MVP: variants seen among roughly 807,000 people sequenced by gnomAD.
MVP encodes the protein major vault protein.
MVP carries 62 observed loss-of-function variants against 83.5 expected under a neutral mutation model. The observed-to-expected ratio is 0.74, with a 90% CI of 0.61 to 0.92. The LOEUF (loss-of-function observed/expected upper bound fraction) is 0.92, where lower values mean the gene tolerates loss of function less well. Ranked by LOEUF, MVP falls within the 40% of genes least tolerant of loss-of-function variation. The pLI, the probability that MVP is intolerant of heterozygous loss-of-function variation, is 0.00. For synonymous variants in MVP, 505 were observed against 504.1 expected (o/e 1.00, Z -0.02); for missense variants, 1,000 against 1,203.4 (o/e 0.83, Z 2.50).
Position 29,828,740 on chromosome 16 carries a change from G to T in MVP, c.-35-1775G>T, listed in dbSNP as rs555482554. On this transcript the variant is annotated intron_variant, in intron 1 of 14. Transcript: ENST00000357402. ...CAATGGCATAGCTGTAAGGCAGCAG[G>T]GGGTGGTGGGGACTGTGGTAGGTGG... Among the ~76,000 whole-genome samples the T allele has an allele frequency of 1.6e-3, 238 of 152,294 alleles. 2 individuals are homozygous for T. Among genetic ancestry groups the T allele is most frequent in the African/African-American group, 5.5e-3 (228 of 41,564 alleles).
At chr16:29,844,989 A>G (rs1167456368) in intron 11 of MVP, 110 bp downstream of exon 11, 11 of 1,397,314 alleles carry the variant, frequency 7.9e-6, no homozygotes, top group Non-Finnish European at 9.6e-6. Flanking sequence ...CCTACCCTCA[A>G]AGATCTATTC....
intron 1 of MVP, among the ~76,000 whole-genome samples, chr16:29,823,697 C>CA (rs989141059): frequency 1.3e-4 from 20 of 151,564 alleles, no homozygotes; most frequent in Admixed American, 3.3e-4. Context: ...ACTAAAAATA[C>CA]AAAAAAAATT....
intron 7 of MVP, among the ~76,000 whole-genome samples, chr16:29,839,192 AAAAG>A (rs948910518): frequency 6.6e-6 from 1 of 152,206 alleles, no homozygotes; most frequent in African/African-American, 2.4e-5. Context: ...CCATCTCAAA[AAAAG>A]AAAAAGAAAA....
intron 7 of MVP, among the ~76,000 whole-genome samples, chr16:29,839,302 G>A (rs915044974): frequency 2.0e-5 from 3 of 152,178 alleles, no homozygotes; most frequent in Non-Finnish European, 4.4e-5. Context: ...GTGGTGGGTG[G>A]GGTAGGTGGG....
Position 29,847,809 on chromosome 16 carries a change from T to C in MVP, c.2502T>C (p.Asp834=). The C allele has an allele frequency of 6.2e-7, 1 of 1,614,204 alleles. No individual in the cohort carries two copies. Among genetic ancestry groups the C allele is most frequent in the Non-Finnish European group, 8.5e-7 (1 of 1,180,026 alleles). The part of the protein sequence containing the change: ...SLGLKSTLIT[D]GSTPINLFNT... ...GCCTGAAATCAACCCTCATCACCGA[T>C]GGCTCCACTCCCATCAACCTCTTCA... Residue 834 remains aspartate (D), a synonymous_variant, in exon 15 of 15, where the codon GAT becomes GAC. Coordinates refer to ENST00000357402, the MANE Select transcript of MVP (RefSeq NM_005115.5).
chr16:29,825,871 C>T (rs1596908755), intron 1 of MVP: 1 of 152,378 alleles, frequency 6.6e-6, no homozygotes, highest in African/African-American at 2.4e-5. Flanking sequence ...CTGGGGGGGC[C>T]TCAGAGCCCT....
chr16:29,829,332 A>T (rs2067425108), intron 1 of MVP, among the ~76,000 whole-genome samples: 1 of 151,472 alleles, frequency 6.6e-6, no homozygotes. Flanking sequence ...AAAAAAAAAA[A>T]TTAGCTAGAC....
chr16:29,830,514 G>C lies in MVP; in HGVS notation c.-35-1G>C. 6.2e-7 allele frequency: 1 copy of C among 1,610,060 alleles called. No individual in the cohort carries two copies. The highest frequency in any genetic ancestry group is 8.5e-7 in the Non-Finnish European group (1 of 1,177,644). On this transcript the variant is annotated splice_acceptor_variant, in intron 1 of 14. Coordinates refer to ENST00000357402, the MANE Select transcript of MVP (RefSeq NM_005115.5). LOFTEE classifies it low-confidence loss of function (5UTR_SPLICE). ...CCTGTGTCGTCTCCCCCACCTACCA[G>C]TCATCTTCTTGTGAGCCCTGGGCTT...
rs2067532902 is a variant in MVP at position 29,841,362 on chromosome 16, C to T, written c.1192-234C>T. Among the ~76,000 whole-genome samples the T allele has an allele frequency of 6.6e-6, 1 of 152,164 alleles. No individual in the cohort carries two copies. Among genetic ancestry groups the T allele is most frequent in the African/African-American group, 2.4e-5 (1 of 41,450 alleles). On this transcript the variant is annotated intron_variant, in intron 8 of 14. Coordinates refer to ENST00000357402, the MANE Select transcript of MVP (RefSeq NM_005115.5). This position sits in a 1 kb window ranked among gnomAD's most constrained non-coding sequence, Gnocchi z 4.7. ...TCACCCCTAGACCCTGCAAGGTAGCCACCGTCAAGTCCACTTGACACATGA... is the reference window on the plus strand; with the variant it reads ...TCACCCCTAGACCCTGCAAGGTAGCTACCGTCAAGTCCACTTGACACATGA...
intron 12 of MVP, 46 bp from the exon 13 acceptor site, chr16:29,846,112 G>C (rs1182040761): frequency 2.5e-6 from 4 of 1,600,718 alleles, no homozygotes; most frequent in East Asian, 2.2e-5. Context: ...GCCGTGGGGG[G>C]ACTGGGCTGT....
intron 7 of MVP, among the ~76,000 whole-genome samples, chr16:29,837,387 G>T (rs1254977404): frequency 1.3e-5 from 2 of 152,214 alleles, no homozygotes; most frequent in Non-Finnish European, 2.9e-5. Flanking sequence ...CCTGAATACT[G>T]CAGGCAGCTG....
At chr16:29,832,450 A>G (rs1220313779) in intron 3 of MVP, among the ~76,000 whole-genome samples, 1 of 149,784 alleles carries the variant, frequency 6.7e-6, no homozygotes, top group African/African-American at 2.5e-5. Flanking sequence ...GGCGCCCACC[A>G]CCACACCCGG....
chr16:29,843,537 G>GAAGGGAGGGAGGGAGGGAGGGAGGGAGA (rs2067552312), intron 10 of MVP, among the ~76,000 whole-genome samples: 1 of 40,488 alleles, frequency 2.5e-5, no homozygotes, highest in African/African-American at 1.2e-4. Flanking sequence ...AGGAAGGGAG[G>GAAGGGAGGGAGGGAGGGAGGGAGGGAGA]AAGGGAGGAA....
intron 8 of MVP, among the ~76,000 whole-genome samples, chr16:29,840,767 C>G (rs1173597502): frequency 6.6e-6 from 1 of 152,088 alleles, no homozygotes; most frequent in African/African-American, 2.4e-5. Flanking sequence ...CATGGGAAAC[C>G]CTGTCTCTAC....
At chr16:29,846,972 C>A (rs956356819) in intron 13 of MVP, among the ~76,000 whole-genome samples, 1 of 151,988 alleles carries the variant, frequency 6.6e-6, no homozygotes, top group Non-Finnish European at 1.5e-5. Context: ...GAGGTCAGTT[C>A]GAGACCAGTT....
intron 7 of MVP, 63 bp from the exon 8 acceptor site, chr16:29,840,115 G>A: frequency 6.6e-7 from 1 of 1,511,610 alleles, no homozygotes; most frequent in Non-Finnish European, 8.9e-7. Flanking sequence ...GGACTGGGGA[G>A]GTACCATTGG....
Position 29,844,329 on chromosome 16 carries a change from G to A in MVP, c.1635-164G>A, listed in dbSNP as rs557086521. Among the ~76,000 whole-genome samples the A allele has an allele frequency of 1.4e-4, 22 of 152,234 alleles. No homozygotes were observed. The East Asian group carries it at 3.7e-3, about 25-fold the overall frequency. On this transcript the variant is annotated intron_variant, in intron 10 of 14. Transcript: ENST00000357402. ...TCTCGGAGAGAGTTGCTGGCTGGGC[G>A]TGATCACACATGTAGTCCCAGCACT...
At chr16:29,846,565 T>C (rs2067587479) in intron 13 of MVP, among the ~76,000 whole-genome samples, 1 of 152,170 alleles carries the variant, frequency 6.6e-6, no homozygotes, top group Admixed American at 6.6e-5. Flanking sequence ...ATGCTTGAAA[T>C]CCCATTAAGA....
intron 10 of MVP, among the ~76,000 whole-genome samples, chr16:29,843,716 G>C (rs939204852): frequency 4.6e-5 from 7 of 151,928 alleles, no homozygotes; most frequent in African/African-American, 1.5e-4. Context: ...GTGAATCCCT[G>C]TCTCTACTAA....
Sources: gnomAD v4.1 joint callset for allele counts (sites outside exome capture counted in the v4.1 genomes callset) on GRCh38, gnomAD v4.1.1 for gene constraint, Gnocchi (gnomAD v3.1) non-coding constraint, MANE v1.5 for transcripts, NCBI Gene and HGNC (gene_info 2026-07-23, HGNC 2026-07-21) for gene names.